PGBD2: variants seen among roughly 807,000 people sequenced by gnomAD.
PGBD2 encodes the protein piggyBac transposable element-derived protein 2.
In PGBD2, 6 loss-of-function variants were observed where a neutral mutation model predicts 8.1. The observed-to-expected ratio is 0.74, with a 90% CI of 0.40 to 1.46. The LOEUF (loss-of-function observed/expected upper bound fraction) is 1.46. Ranked by LOEUF, PGBD2 falls within the 40% of genes most tolerant of loss-of-function variation. PGBD2 has a pLI of 0.02. For missense variants in PGBD2, 802 were observed against 739.0 expected, an observed-to-expected ratio of 1.09 and a Z score of -0.99; for synonymous variants, 318 against 272.2, an observed-to-expected ratio of 1.17 and a Z score of -1.66.
Position 248,909,612 on chromosome 1 carries a change from A to G in PGBD2, c.-48+3270A>G, listed in dbSNP as rs574828661. On this transcript the variant is annotated intron_variant, in intron 1 of 2. Transcript: ENST00000329291. ...AGATGCCATGTTGCCTTTTGGGGAT[A>G]CAGAGGTGGGGTCGACCTGAAGATG... 2.0e-5 allele frequency among the ~76,000 whole-genome samples: 3 copies of G among 152,268 alleles called. No homozygotes were observed. In the South Asian group the frequency reaches 6.2e-4, roughly 32 times the overall value.
the PGBD2 span, among the ~76,000 whole-genome samples, chr1:248,882,234 T>A: frequency 6.6e-6 from 1 of 152,098 alleles, no homozygotes; most frequent in Admixed American, 6.5e-5. Context: ...ATTATTAAGT[T>A]TAGTGAGGGC....
At chr1:248,929,170 A>G in the PGBD2 span, among the ~76,000 whole-genome samples, 43 of 152,292 alleles carry the variant, frequency 2.8e-4, no homozygotes, top group African/African-American at 9.9e-4. Context: ...CTTATTGCCC[A>G]ATTAATTGTA....
the PGBD2 span, among the ~76,000 whole-genome samples, chr1:248,874,924 A>AGAT: frequency 6.7e-6 from 1 of 149,690 alleles, no homozygotes; most frequent in African/African-American, 2.5e-5. Flanking sequence ...ATAGATAGAT[A>AGAT]GATAGATAGA....
the PGBD2 span, among the ~76,000 whole-genome samples, chr1:248,874,483 T>C: frequency 1.3e-5 from 2 of 152,212 alleles, no homozygotes; most frequent in Admixed American, 6.5e-5. Context: ...GCGCCGTATA[T>C]GTAGTCAGTG....
At chr1:248,921,041 C>G (rs866363509), downstream of PGBD2, among the ~76,000 whole-genome samples, 3 of 151,586 alleles carry the variant, frequency 2.0e-5, no homozygotes, top group African/African-American at 7.3e-5. Context: ...TGGATATTAG[C>G]CCTTTGTCAG....
At chr1:248,909,429 T>C (rs1008039699) in intron 1 of PGBD2, among the ~76,000 whole-genome samples, 8 of 152,240 alleles carry the variant, frequency 5.3e-5, no homozygotes, top group African/African-American at 1.9e-4. Flanking sequence ...GAGCTTCTGG[T>C]TCTTTTCTAA....
the PGBD2 span, among the ~76,000 whole-genome samples, chr1:248,874,901 TAG>T: frequency 7.5e-6 from 1 of 132,730 alleles, no homozygotes; most frequent in Admixed American, 8.1e-5. Flanking sequence ...GATAGGTAGA[TAG>T]AGATAGATAG....
At chr1:248,895,102 G>A in the PGBD2 span, among the ~76,000 whole-genome samples, 1 of 152,162 alleles carries the variant, frequency 6.6e-6, no homozygotes, top group Non-Finnish European at 1.5e-5. Flanking sequence ...ATCACACCCA[G>A]CCTATAACAA....
At chr1:248,879,085 AC>A in the PGBD2 span, among the ~76,000 whole-genome samples, 3 of 152,232 alleles carry the variant, frequency 2.0e-5, no homozygotes, top group Admixed American at 1.3e-4. Flanking sequence ...AGCCACCTGA[AC>A]AGTGAGTGTG....
the PGBD2 span, among the ~76,000 whole-genome samples, chr1:248,928,124 TCCCAGCAGC>T: frequency 5.3e-5 from 8 of 152,328 alleles, no homozygotes; most frequent in African/African-American, 1.7e-4. Flanking sequence ...TGCTTTTTTG[TCCCAGCAGC>T]CTTTGTCACT....
the PGBD2 span, among the ~76,000 whole-genome samples, chr1:248,899,693 C>T: frequency 1.3e-5 from 2 of 150,748 alleles, no homozygotes; most frequent in African/African-American, 2.4e-5. Context: ...ATCCCCAAAG[C>T]TAGCAGAAGA....
the PGBD2 span, among the ~76,000 whole-genome samples, chr1:248,894,709 T>TTG: frequency 4.7e-3 from 692 of 148,150 alleles, 9 homozygotes; most frequent in African/African-American, 0.016. Context: ...CTCCTTTCTT[T>TTG]CTTGCTTGCT....
At chr1:248,906,610 G>A (rs1335856594) in intron 1 of PGBD2, 1 of 129,296 alleles carries the variant, frequency 7.7e-6, no homozygotes, top group Non-Finnish European at 1.6e-5. Context: ...GGGCGGGGTC[G>A]GGCTAAAGAG....
the PGBD2 span, among the ~76,000 whole-genome samples, chr1:248,873,375 GC>G: frequency 5.9e-5 from 9 of 152,356 alleles, no homozygotes; most frequent in East Asian, 1.7e-3. Context: ...CGTGGAGGAA[GC>G]GCGGTGGACC....
At chr1:248,921,749 G>A (rs1356508711), downstream of PGBD2, among the ~76,000 whole-genome samples, 1 of 152,158 alleles carries the variant, frequency 6.6e-6, no homozygotes, top group Non-Finnish European at 1.5e-5. Flanking sequence ...TCACGATATT[G>A]ATTCTTCCTA....
At chr1:248,882,014 A>C in the PGBD2 span, among the ~76,000 whole-genome samples, 1 of 152,228 alleles carries the variant, frequency 6.6e-6, no homozygotes, top group Non-Finnish European at 1.5e-5. Context: ...AGAAAGCTTC[A>C]AGTTTATTTA....
At chr1:248,897,086 C>A in the PGBD2 span, among the ~76,000 whole-genome samples, 3 of 152,170 alleles carry the variant, frequency 2.0e-5, no homozygotes, top group African/African-American at 7.2e-5. Flanking sequence ...GTAAAGAAAT[C>A]AAAGTACTTT....
At chr1:248,895,853 A>C in the PGBD2 span, among the ~76,000 whole-genome samples, 4 of 151,430 alleles carry the variant, frequency 2.6e-5, no homozygotes, top group Non-Finnish European at 4.4e-5. Flanking sequence ...ACGCCCAGCT[A>C]ATTTTTGTAT....
chr1:248,923,039 C>T (rs911292389), downstream of PGBD2, among the ~76,000 whole-genome samples: 46 of 152,158 alleles, frequency 3.0e-4, no homozygotes, highest in Non-Finnish European at 5.4e-4. Context: ...ATGGTACCAG[C>T]TCCTGTTTGT....
Sources: allele counts gnomAD v4.1 joint callset (sites outside exome capture counted in the v4.1 genomes callset), GRCh38; gene constraint gnomAD v4.1.1; transcripts MANE v1.5; gene names NCBI Gene and HGNC (gene_info 2026-07-23, HGNC 2026-07-21).